NCALD: variants seen among roughly 807,000 people sequenced by gnomAD.
The protein encoded by NCALD is neurocalcin-delta.
Under a neutral mutation model 18.6 loss-of-function variants are expected in NCALD, and 10 were observed. The observed-to-expected ratio is 0.54, with a 90% CI of 0.33 to 0.91. The LOEUF (loss-of-function observed/expected upper bound fraction) is 0.91. Ranked by LOEUF, NCALD falls within the 40% of genes least tolerant of loss-of-function variation. The probability of loss-of-function intolerance (pLI) is 0.03; values close to 1 mark genes in which losing one functional copy is unlikely to be tolerated. For synonymous variants in NCALD, 88 were observed against 87.4 expected, an observed-to-expected ratio of 1.01 and a Z score of -0.04; for missense variants, 184 against 247.6, an observed-to-expected ratio of 0.74 and a Z score of 1.72.
At chr8:102,116,070 T>G (rs1307364921) in intron 1 of NCALD, among the ~76,000 whole-genome samples, 3 of 144,190 alleles carry the variant, frequency 2.1e-5, no homozygotes, top group Non-Finnish European at 3.0e-5. Context: ...AAACCTCTAC[T>G]GTGTCAGAAG....
chr8:102,055,018 G>A (rs779874285), intron 1 of NCALD, among the ~76,000 whole-genome samples: 2 of 152,024 alleles, frequency 1.3e-5, no homozygotes, highest in Non-Finnish European at 2.9e-5. Flanking sequence ...GGTGTGAGTA[G>A]AGATGGTGCA....
intron 1 of NCALD, among the ~76,000 whole-genome samples, chr8:102,117,402 C>A (rs1825821148): frequency 6.6e-6 from 1 of 152,184 alleles, no homozygotes; most frequent in South Asian, 2.1e-4. Context: ...ATATAAAAGT[C>A]CCACAGAGCG....
chr8:101,855,244 T>C (rs911265574), intron 4 of NCALD, among the ~76,000 whole-genome samples: 3 of 152,136 alleles, frequency 2.0e-5, no homozygotes, highest in African/African-American at 7.2e-5. Flanking sequence ...CCCATCCCCT[T>C]GCTATTGGAT....
At chr8:102,015,069 T>G (rs142011613) in intron 2 of NCALD, among the ~76,000 whole-genome samples, 2 of 152,274 alleles carry the variant, frequency 1.3e-5, no homozygotes, top group African/African-American at 4.8e-5. Context: ...ATCAATAAGT[T>G]GTGGAATTAG....
intron 4 of NCALD, among the ~76,000 whole-genome samples, chr8:101,863,084 T>G (rs968095468): frequency 2.6e-4 from 39 of 152,280 alleles, no homozygotes; most frequent in Admixed American, 2.5e-3. Flanking sequence ...TCCAAGCAAG[T>G]TGACCCCAGA....
At chr8:101,813,938 G>A (rs183137737) in intron 4 of NCALD, among the ~76,000 whole-genome samples, 15 of 152,004 alleles carry the variant, frequency 9.9e-5, no homozygotes, top group South Asian at 6.2e-4. Context: ...GATTATACTC[G>A]GAAAAGTATC....
intron 2 of NCALD, among the ~76,000 whole-genome samples, chr8:101,956,345 C>T (rs1207192112): frequency 6.6e-6 from 1 of 152,096 alleles, no homozygotes; most frequent in Non-Finnish European, 1.5e-5. Flanking sequence ...TTAAATGAAT[C>T]AACTCAAACC....
At chr8:102,002,468 T>C (rs1038712358) in intron 2 of NCALD, among the ~76,000 whole-genome samples, 8 of 152,172 alleles carry the variant, frequency 5.3e-5, no homozygotes, top group African/African-American at 1.9e-4. Context: ...GACAGATCAA[T>C]GAGACAGAAA....
chr8:101,995,279 A>G (rs1340083103), intron 2 of NCALD, among the ~76,000 whole-genome samples: 1 of 152,248 alleles, frequency 6.6e-6, no homozygotes, highest in Non-Finnish European at 1.5e-5. Context: ...ACAACATTGA[A>G]AACCTGTATA....
chr8:101,817,394 A>C (rs1813539846), intron 4 of NCALD, among the ~76,000 whole-genome samples: 1 of 152,128 alleles, frequency 6.6e-6, no homozygotes, highest in South Asian at 2.1e-4. Context: ...CCGGATTGTC[A>C]TTTCATTTTC....
At chr8:101,853,132 A>G (rs1375998961) in intron 4 of NCALD, among the ~76,000 whole-genome samples, 1 of 152,200 alleles carries the variant, frequency 6.6e-6, no homozygotes, top group Non-Finnish European at 1.5e-5. Context: ...AATAAAAATA[A>G]TATCAGTACC....
intron 1 of NCALD, among the ~76,000 whole-genome samples, chr8:102,030,556 C>G (rs1414445147): frequency 1.3e-5 from 2 of 152,182 alleles, no homozygotes; most frequent in Non-Finnish European, 2.9e-5. Flanking sequence ...TATCTTGTCT[C>G]TCTGTATGAA....
intron 1 of NCALD, among the ~76,000 whole-genome samples, chr8:101,752,944 C>T (rs968535730): frequency 6.6e-6 from 1 of 152,050 alleles, no homozygotes; most frequent in Non-Finnish European, 1.5e-5. Context: ...TTCTAAATCT[C>T]TGAAATTCAA....
chr8:101,724,848 T>C (rs950889582), intron 1 of NCALD, among the ~76,000 whole-genome samples: 2 of 152,228 alleles, frequency 1.3e-5, no homozygotes, highest in Admixed American at 6.5e-5. Flanking sequence ...CCCTATGCTC[T>C]ACTAGCCCCA....
intron 1 of NCALD, among the ~76,000 whole-genome samples, chr8:102,078,555 C>T (rs912820182): frequency 6.6e-6 from 1 of 152,228 alleles, no homozygotes; most frequent in African/African-American, 2.4e-5. Flanking sequence ...AATCCCACTA[C>T]TCACCCCTAA....
At chr8:101,957,888 AC>A in intron 2 of NCALD, among the ~76,000 whole-genome samples, 1 of 152,180 alleles carries the variant, frequency 6.6e-6, no homozygotes, top group Non-Finnish European at 1.5e-5. Context: ...AGATCGAGGT[AC>A]CCCACAGCAG....
At chr8:101,758,838 T>G (rs1810995504) in intron 1 of NCALD, among the ~76,000 whole-genome samples, 2 of 152,186 alleles carry the variant, frequency 1.3e-5, no homozygotes, top group Non-Finnish European at 1.5e-5. Flanking sequence ...AAATACTTTT[T>G]TTTTGTAGTT....
intron 2 of NCALD, among the ~76,000 whole-genome samples, chr8:101,717,889 T>G (rs1170835589): frequency 6.6e-6 from 1 of 152,208 alleles, no homozygotes; most frequent in Admixed American, 6.5e-5. Flanking sequence ...GCAGAATACA[T>G]GAATTGTCAG....
At chr8:101,867,421 C>T (rs985402153) in intron 4 of NCALD, among the ~76,000 whole-genome samples, 1 of 152,180 alleles carries the variant, frequency 6.6e-6, no homozygotes, top group African/African-American at 2.4e-5. Flanking sequence ...GTAGAAGCTC[C>T]ATAAATAATT....
Sources: gnomAD v4.1 joint callset for allele counts (sites outside exome capture counted in the v4.1 genomes callset) on GRCh38, gnomAD v4.1.1 for gene constraint, MANE v1.5 for transcripts, NCBI Gene and HGNC (gene_info 2026-07-23, HGNC 2026-07-21) for gene names.